Variants in CLPSL1 observed in about 807,000 individuals in gnomAD.
CLPSL1 encodes colipase like 1, also known as colipase-like protein 1.
CLPSL1 carries 13 observed loss-of-function variants against 9.3 expected under a neutral mutation model. The observed-to-expected ratio is 1.40, with a 90% CI of 0.91 to 2.22. The LOEUF (loss-of-function observed/expected upper bound fraction) is 2.22, where lower values mean the gene tolerates loss of function less well. Ranked by LOEUF, CLPSL1 falls within the 30% of genes most tolerant of loss-of-function variation. CLPSL1 has a pLI of 0.00. For missense variants in CLPSL1, 164 were observed against 146.6 expected, an observed-to-expected ratio of 1.12 and a Z score of -0.61; for synonymous variants, 58 against 56.9, an observed-to-expected ratio of 1.02 and a Z score of -0.08.
At chr6:35,789,674 A>G (rs1431772882), downstream of CLPSL1, among the ~76,000 whole-genome samples, 2 of 152,252 alleles carry the variant, frequency 1.3e-5, no homozygotes, top group African/African-American at 2.4e-5. Context: ...TGGGTGGATC[A>G]TCTGAGGTCA....
chr6:35,788,966 G>A (rs1299532604), downstream of CLPSL1, among the ~76,000 whole-genome samples: 3 of 152,260 alleles, frequency 2.0e-5, no homozygotes, highest in African/African-American at 7.2e-5. Flanking sequence ...CCAGGATGTT[G>A]GGCTTAGGAT....
intron 2 of CLPSL1, 110 bp downstream of exon 2, chr6:35,787,230 G>A (rs1561941420): frequency 7.6e-7 from 1 of 1,320,794 alleles, no homozygotes; most frequent in Non-Finnish European, 1.0e-6. Context: ...AAATGCCCTG[G>A]AGCCTGGAAT....
chr6:35,788,382 C>T (rs553646490), downstream of CLPSL1, among the ~76,000 whole-genome samples: 1 of 152,390 alleles, frequency 6.6e-6, no homozygotes, highest in African/African-American at 2.4e-5. Flanking sequence ...CCCCCGGAAG[C>T]CCAGTTTACA....
downstream of CLPSL1, among the ~76,000 whole-genome samples, chr6:35,791,044 C>CAA (rs61127901): frequency 7.0e-3 from 802 of 114,640 alleles, 5 homozygotes; most frequent in African/African-American, 0.021. Flanking sequence ...GACTCTGTCT[C>CAA]AAAAAAAAAA....
At chr6:35,790,051 T>G (rs942522625), downstream of CLPSL1, among the ~76,000 whole-genome samples, 16 of 152,316 alleles carry the variant, frequency 1.1e-4, no homozygotes, top group Admixed American at 8.5e-4. Flanking sequence ...CTCAGCCTCC[T>G]GAGTAACTGG....
At chr6:35,787,768 G>T in intron 2 of CLPSL1, 99 bp from the exon 3 acceptor site, 1 of 1,149,902 alleles carries the variant, frequency 8.7e-7, no homozygotes, top group South Asian at 1.3e-5. Flanking sequence ...GATCCTGGCT[G>T]TGGGCAAGCA....
At chr6:35,789,236 T>C (rs1768145674), downstream of CLPSL1, among the ~76,000 whole-genome samples, 1 of 152,206 alleles carries the variant, frequency 6.6e-6, no homozygotes, top group Non-Finnish European at 1.5e-5. Context: ...GGATACCCAA[T>C]GTCAAGAAGT....
downstream of CLPSL1, among the ~76,000 whole-genome samples, chr6:35,789,617 A>T (rs2151062776): frequency 6.6e-6 from 1 of 152,364 alleles, no homozygotes; most frequent in South Asian, 2.1e-4. Flanking sequence ...CTCTGGACCG[A>T]GCACGGTGGC....
intron 1 of CLPSL1, among the ~76,000 whole-genome samples, chr6:35,793,176 C>T (rs1384015622): frequency 5.3e-5 from 8 of 152,240 alleles, no homozygotes; most frequent in Non-Finnish European, 1.0e-4. Context: ...GTAATCCCAG[C>T]ACTTTGGGAG....
chr6:35,787,835 C>T (rs749634660), intron 2 of CLPSL1, 32 bp from the exon 3 acceptor site: 1 of 1,598,960 alleles, frequency 6.3e-7, no homozygotes, highest in African/African-American at 1.3e-5. Flanking sequence ...GAGCTGCCGC[C>T]AAGGTCGAGG....
chr6:35,793,425 C>CCAA (rs1554145392), intron 1 of CLPSL1: 2 of 319,626 alleles, frequency 6.3e-6, no homozygotes, highest in Non-Finnish European at 1.3e-5. Flanking sequence ...AACTCTGTCT[C>CCAA]AAAAAAAAAA....
intron 1 of CLPSL1, chr6:35,793,389 C>T (rs1262172811): frequency 2.2e-6 from 1 of 454,768 alleles, no homozygotes; most frequent in Non-Finnish European, 4.4e-6. Flanking sequence ...CGTGCCACTG[C>T]ACTCTGGCTT....
chr6:35,788,010 G>A lies in CLPSL1; in HGVS notation c.366G>A (p.Ter122=), dbSNP rs771054411. Residue 122 remains the stop codon, a stop_retained_variant, in exon 3 of 3, where the codon TAG becomes TAA. Coordinates refer to ENST00000373861, the MANE Select transcript of CLPSL1 (RefSeq NM_001010886.5). ...AGTTGGCTAAGAAAATGTTCTTCTA[G>A]TGCTCCCTCCTTCTTGCTGCCTCCT... The part of the protein sequence containing the change: ...RQKLAKKMFF[*] 6.2e-7 allele frequency: 1 copy of A among 1,609,916 alleles called. No individual in the cohort carries two copies. The highest frequency in any genetic ancestry group is 8.5e-7 in the Non-Finnish European group (1 of 1,176,432).
intron 1 of CLPSL1, among the ~76,000 whole-genome samples, chr6:35,784,011 C>A (rs959284438): frequency 4.6e-5 from 7 of 151,938 alleles, no homozygotes; most frequent in African/African-American, 1.5e-4. Context: ...TAGGGACACA[C>A]CTGTGATACA....
At chr6:35,792,615 G>A (rs1768243061), downstream of CLPSL1, among the ~76,000 whole-genome samples, 1 of 152,280 alleles carries the variant, frequency 6.6e-6, no homozygotes, top group Admixed American at 6.5e-5. Flanking sequence ...CTGGCCGTTG[G>A]AAATAAAATG....
At chr6:35,789,763 G>A (rs1277531341), downstream of CLPSL1, among the ~76,000 whole-genome samples, 7 of 152,206 alleles carry the variant, frequency 4.6e-5, no homozygotes, top group African/African-American at 1.4e-4. Flanking sequence ...GTGTGGTGGT[G>A]CATGCCTGCA....
chr6:35,791,991 CAGG>C, downstream of CLPSL1, among the ~76,000 whole-genome samples: 1 of 151,064 alleles, frequency 6.6e-6, no homozygotes, highest in South Asian at 2.1e-4. Flanking sequence ...GAGGCTGATT[CAGG>C]AGAATTGCTT....
At chr6:35,793,872 A>C (rs1768272668), downstream of CLPSL1, among the ~76,000 whole-genome samples, 2 of 152,218 alleles carry the variant, frequency 1.3e-5, no homozygotes, top group South Asian at 4.1e-4. Context: ...GTGAGCTTCC[A>C]CCTGCGTACC....
At chr6:35,792,501 G>GT (rs1276246838), downstream of CLPSL1, among the ~76,000 whole-genome samples, 2 of 152,264 alleles carry the variant, frequency 1.3e-5, no homozygotes, top group African/African-American at 2.4e-5. Flanking sequence ...TCAAACCATT[G>GT]TAAGTGGGGA....
Sources: gnomAD v4.1 joint callset for allele counts (sites outside exome capture counted in the v4.1 genomes callset) on GRCh38, gnomAD v4.1.1 for gene constraint, MANE v1.5 for transcripts, NCBI Gene and HGNC (gene_info 2026-07-23, HGNC 2026-07-21) for gene names.